CSMD1: variants seen among roughly 807,000 people sequenced by gnomAD.
CSMD1 encodes CUB and sushi domain-containing protein 1.
A neutral mutation model predicts 417.5 loss-of-function variants in CSMD1; 213 were observed. The ratio of observed to expected loss-of-function variants is 0.51; its 90% CI spans 0.46 to 0.57. CSMD1 has a LOEUF of 0.57. CSMD1 is among the 20% of genes least tolerant of loss of function. The pLI is 0.00. For synonymous variants in CSMD1, 2,862 were observed against 1,736.8 expected (o/e 1.65, Z -16.11); for missense variants, 6,923 against 4,529.7 (o/e 1.53, Z -15.17).
intron 3 of CSMD1, among the ~76,000 whole-genome samples, chr8:4,400,384 C>G (rs1006097439): frequency 6.6e-6 from 1 of 152,180 alleles, no homozygotes; most frequent in Non-Finnish European, 1.5e-5. Flanking sequence ...TTTATATATC[C>G]ATCCTGTGTT....
chr8:4,411,971 C>G (rs533539189), intron 3 of CSMD1, among the ~76,000 whole-genome samples: 2 of 147,078 alleles, frequency 1.4e-5, no homozygotes, highest in Admixed American at 7.0e-5. Flanking sequence ...ATGAAAAGTA[C>G]ACAGCAACAT....
At chr8:4,433,498 C>T (rs1473082573) in intron 2 of CSMD1, among the ~76,000 whole-genome samples, 1 of 152,150 alleles carries the variant, frequency 6.6e-6, no homozygotes, top group Non-Finnish European at 1.5e-5. Context: ...CAAGTGTTTC[C>T]CTCATTCCCA....
At chr8:3,285,388 C>A (rs1000123698) in intron 25 of CSMD1, among the ~76,000 whole-genome samples, 1 of 146,776 alleles carries the variant, frequency 6.8e-6, no homozygotes, top group Admixed American at 6.9e-5. Flanking sequence ...TTTGTCAGAA[C>A]TTTTTTTTTT....
intron 40 of CSMD1, among the ~76,000 whole-genome samples, chr8:3,150,111 C>G (rs1819100646): frequency 6.6e-6 from 1 of 152,188 alleles, no homozygotes; most frequent in Non-Finnish European, 1.5e-5. Flanking sequence ...AGGTGATTCC[C>G]AGGTCTCCGT....
rs1384755168 is a variant in CSMD1, at chr8:4,266,629, T to C, written c.415+153324A>G. On this transcript the variant is annotated intron_variant, in intron 3 of 69. Transcript: ENST00000635120. The stretch of plus-strand genomic sequence containing the variant: ...TGGCGTAAAGTGACCTGTCCTGCAG[T>C]TGAACATTTTTATTTGTCATCTATG... Among the ~76,000 whole-genome samples the C allele has an allele frequency of 3.8e-5, 4 of 105,108 alleles. 1 individual carries two copies. Among genetic ancestry groups the C allele is most frequent in the Non-Finnish European group, 1.0e-4 (4 of 38,938 alleles). 69.0% of individuals were successfully genotyped at this position (105,108 alleles called of 152,430 possible).
At chr8:4,910,105 T>C (rs867224839) in intron 1 of CSMD1, among the ~76,000 whole-genome samples, 62 of 152,104 alleles carry the variant, frequency 4.1e-4, no homozygotes, top group African/African-American at 1.4e-3. Context: ...TGAATCTTAA[T>C]TATTGTCTAA....
intron 23 of CSMD1, among the ~76,000 whole-genome samples, chr8:3,312,863 A>C (rs1284475046): frequency 2.6e-5 from 4 of 152,206 alleles, no homozygotes; most frequent in Non-Finnish European, 5.9e-5. Context: ...TACTTTATCC[A>C]CATTCGTTAG....
chr8:4,642,785 T>C (rs764882374), intron 1 of CSMD1, among the ~76,000 whole-genome samples: 2 of 152,224 alleles, frequency 1.3e-5, no homozygotes, highest in Non-Finnish European at 2.9e-5. Context: ...GATGAGGGAA[T>C]GGTTTTGCTA....
intron 12 of CSMD1, among the ~76,000 whole-genome samples, chr8:3,411,393 A>G (rs1262256220): frequency 3.3e-5 from 5 of 151,792 alleles, no homozygotes; most frequent in African/African-American, 1.2e-4. Flanking sequence ...TTTGGGGGGA[A>G]CCCAAGCAGT....
At chr8:3,883,564 G>A (rs776112201) in intron 5 of CSMD1, among the ~76,000 whole-genome samples, 1 of 152,138 alleles carries the variant, frequency 6.6e-6, no homozygotes, top group East Asian at 1.9e-4. Context: ...GTGAACTGAT[G>A]CCTTCAAGGA....
At chr8:4,300,467 T>G (rs1797921697) in intron 3 of CSMD1, among the ~76,000 whole-genome samples, 1 of 152,246 alleles carries the variant, frequency 6.6e-6, no homozygotes. Context: ...CCTTGGAATT[T>G]AACTACATAA....
chr8:3,944,455 T>G (rs1302542615), intron 5 of CSMD1, among the ~76,000 whole-genome samples: 1 of 152,174 alleles, frequency 6.6e-6, no homozygotes, highest in South Asian at 2.1e-4. Context: ...TTTCTAGTTT[T>G]GGTTTTTTTT....
At chr8:3,102,990 C>T (rs1815868835) in intron 46 of CSMD1, among the ~76,000 whole-genome samples, 1 of 152,186 alleles carries the variant, frequency 6.6e-6, no homozygotes. Context: ...CTCCCCAAAC[C>T]TTTGTGATTT....
intron 6 of CSMD1, among the ~76,000 whole-genome samples, chr8:3,741,715 T>G (rs1334084800): frequency 6.6e-6 from 1 of 152,036 alleles, no homozygotes; most frequent in South Asian, 2.1e-4. Flanking sequence ...CCTCTCTGAG[T>G]GCGCATTCTT....
intron 40 of CSMD1, among the ~76,000 whole-genome samples, chr8:3,150,230 AT>A (rs1334835116): frequency 6.6e-6 from 1 of 152,062 alleles, no homozygotes; most frequent in African/African-American, 2.4e-5. Flanking sequence ...TCCTATAATA[AT>A]CCTTCCACAG....
At position 3,902,006 on chromosome 8, in the gene CSMD1, C is replaced by G. The variant is rs139172408; in HGVS notation, c.818+95897G>C. 1.8e-3 allele frequency among the ~76,000 whole-genome samples: 269 copies of G among 152,176 alleles called. 2 individuals are homozygous for G. Among genetic ancestry groups the G allele is most frequent in the Non-Finnish European group, 1.6e-3 (111 of 67,986 alleles). ...TTCTCTTATTCTTTCCCTCCTTTTC[C>G]TCTTACTCTATTCCATTTATTATAC... On this transcript the variant is annotated intron_variant, in intron 5 of 69. Coordinates refer to ENST00000635120, the MANE Select transcript of CSMD1 (RefSeq NM_033225.6).
At chr8:4,607,158 A>T (rs1207394282) in intron 2 of CSMD1, among the ~76,000 whole-genome samples, 3 of 152,176 alleles carry the variant, frequency 2.0e-5, no homozygotes, top group Non-Finnish European at 4.4e-5. Context: ...ATTTTAAAGC[A>T]CGATCCTTGT....
At chr8:3,317,432 C>T (rs750758236) in intron 23 of CSMD1, among the ~76,000 whole-genome samples, 11 of 152,178 alleles carry the variant, frequency 7.2e-5, no homozygotes, top group Non-Finnish European at 1.5e-4. Flanking sequence ...CACTCAATCA[C>T]ACAAGTGTGG....
At position 4,921,588 on chromosome 8, in the gene CSMD1, A is replaced by G. The variant is rs115070563; in HGVS notation, c.85+72744T>C. The stretch of plus-strand genomic sequence containing the variant: ...TCAGATGCTTATTAACATACAATGC[A>G]TATTTTCCAAAATACCTTTTATTTT... On this transcript the variant is annotated intron_variant, in intron 1 of 69. Transcript: ENST00000635120. 1.5e-3 allele frequency among the ~76,000 whole-genome samples: 229 copies of G among 152,330 alleles called. 1 individual carries two copies. The highest frequency in any genetic ancestry group is 0.01 in the Middle Eastern group (3 of 294).
Sources: gnomAD v4.1 joint callset for allele counts (sites outside exome capture counted in the v4.1 genomes callset) on GRCh38, gnomAD v4.1.1 for gene constraint, MANE v1.5 for transcripts, NCBI Gene and HGNC (gene_info 2026-07-23, HGNC 2026-07-21) for gene names.